The following ZMYM5 variants were observed in gnomAD, a reference collection of about 807,000 sequenced individuals.
The protein encoded by ZMYM5 is zinc finger MYM-type protein 5.
A neutral mutation model predicts 61.8 loss-of-function variants in ZMYM5; 41 were observed. The ratio of observed to expected loss-of-function variants is 0.66; its 90% CI spans 0.52 to 0.86. ZMYM5 has a LOEUF of 0.86. Among genes scored for constraint, ZMYM5 ranks in the 40% least tolerant of loss-of-function variants. The pLI is 0.00. For missense variants in ZMYM5, 706 were observed against 786.7 expected, an observed-to-expected ratio of 0.90 and a Z score of 1.23; for synonymous variants, 257 against 276.4, an observed-to-expected ratio of 0.93 and a Z score of 0.70.
chr13:19,842,382 G>C (rs1294568202), intron 4 of ZMYM5, among the ~76,000 whole-genome samples: 1 of 152,072 alleles, frequency 6.6e-6, no homozygotes, highest in Non-Finnish European at 1.5e-5. Flanking sequence ...TTATCTACAT[G>C]GGAAATACAC....
intron 7 of ZMYM5, among the ~76,000 whole-genome samples, chr13:19,830,646 G>A (rs945512378): frequency 6.6e-6 from 1 of 151,436 alleles, no homozygotes; most frequent in Non-Finnish European, 1.5e-5. Flanking sequence ...CGATTCTCCT[G>A]CCTCAGCCGC....
Position 19,851,832 on chromosome 13 carries a change from T to C in ZMYM5, c.349A>G (p.Ile117Val), listed in dbSNP as rs772887604. The change falls in exon 3 of 8, where the codon ATT (isoleucine) becomes GTT (valine). Residue 117 changes from isoleucine (I) to valine (V), a missense_variant. By Grantham distance (29) the Ile-to-Val change is conservative. Coordinates refer to ENST00000337963, the MANE Select transcript of ZMYM5 (RefSeq NM_001142684.2). ...ATGTCCTCTTCATCATCAATAACAATTGTCTCACTTATATTTCCTTTCTGA... is the reference window on the plus strand; with the variant it reads ...ATGTCCTCTTCATCATCAATAACAACTGTCTCACTTATATTTCCTTTCTGA... ...ASQKGNISET[I>V]VIDDEEDIET... The C allele has an allele frequency of 5.0e-6, 8 of 1,612,716 alleles. No homozygotes were observed. In the South Asian group the frequency reaches 7.7e-5, roughly 16 times the overall value.
chr13:19,846,913 T>C (rs1175865826), intron 4 of ZMYM5, among the ~76,000 whole-genome samples: 1 of 151,826 alleles, frequency 6.6e-6, no homozygotes, highest in African/African-American at 2.4e-5. Flanking sequence ...GGAAACAGAG[T>C]GGGATGCTGA....
At chr13:19,854,539 C>T (rs983002784) in intron 2 of ZMYM5, among the ~76,000 whole-genome samples, 2 of 149,900 alleles carry the variant, frequency 1.3e-5, no homozygotes, top group East Asian at 4.0e-4. Context: ...GCAAGAGAAT[C>T]GCTTGAACCC....
At chr13:19,862,974 C>T (rs1953827672) in intron 1 of ZMYM5, among the ~76,000 whole-genome samples, 2 of 152,302 alleles carry the variant, frequency 1.3e-5, no homozygotes, top group South Asian at 4.1e-4. Context: ...CGCGCAGCGC[C>T]TGGGAAAAGA....
chr13:19,837,063 G>T (rs989873142), intron 6 of ZMYM5, among the ~76,000 whole-genome samples: 7 of 147,032 alleles, frequency 4.8e-5, no homozygotes, highest in Admixed American at 1.4e-4. Context: ...ACAGAGTCTT[G>T]CTCTATCACC....
chr13:19,826,182 A>C (rs1195500811), intron 7 of ZMYM5, among the ~76,000 whole-genome samples: 1 of 152,062 alleles, frequency 6.6e-6, no homozygotes, highest in Non-Finnish European at 1.5e-5. Flanking sequence ...AAAAACAAAA[A>C]ACAAGAAACA....
Position 19,838,804 on chromosome 13 carries a change from T to C in ZMYM5, c.768A>G (p.Thr256=), listed in dbSNP as rs190347330. ...NCKKPLQKGQ[T]AYQRKGSAHL... is the part of the protein sequence containing the mutation. ...GAGCTGATCCTTTTCGTTGATAAGC[T>C]GTCTGTCCCTTCTGTAAAGGCTTTT... The change falls in exon 5 of 8, where the codon ACA becomes ACG. Residue 256 remains threonine, a synonymous_variant. Coordinates refer to ENST00000337963, the MANE Select transcript of ZMYM5 (RefSeq NM_001142684.2). 6.2e-7 allele frequency: 1 copy of C among 1,614,206 alleles called. No homozygotes were observed. Among genetic ancestry groups the C allele is most frequent in the East Asian group, 2.2e-5 (1 of 44,886 alleles).
chr13:19,847,596 T>C (rs55647317), intron 4 of ZMYM5, among the ~76,000 whole-genome samples: 14,890 of 151,970 alleles, frequency 0.098, 861 homozygotes, highest in African/African-American at 0.16. Flanking sequence ...ATGTTATTTA[T>C]GTTATATAAT....
chr13:19,859,538 G>A (rs1953647359), intron 2 of ZMYM5, among the ~76,000 whole-genome samples: 2 of 151,806 alleles, frequency 1.3e-5, no homozygotes, highest in Admixed American at 1.3e-4. Context: ...GAGTAGCTGG[G>A]ACTACAGGCA....
intron 2 of ZMYM5, among the ~76,000 whole-genome samples, chr13:19,861,565 AAAGG>A (rs1953762119): frequency 6.6e-6 from 1 of 152,208 alleles, no homozygotes; most frequent in South Asian, 2.1e-4. Context: ...AACTAGGGTA[AAAGG>A]AAGGCAGGAA....
At position 19,852,295 on chromosome 13, in the gene ZMYM5, A is replaced by AC. The variant is rs1472468632; in HGVS notation, c.-10-106dup. ...AATTTTTCAAATTATTTTTTGTGAT[A>AC]CCTGATATCCATTTTGTTTTTCCTC... is the stretch of plus-strand genomic sequence containing the variant. On this transcript the variant is annotated intron_variant, in intron 2 of 7. Transcript: ENST00000337963. 5 of 1,216,104 alleles carry AC rather than the reference A, an allele frequency of 4.1e-6. No individual in the cohort carries two copies. The African/African-American group carries it at 4.5e-5, about 11-fold the overall frequency. 75.3% of individuals were successfully genotyped at this position (1,216,104 alleles called of 1,614,324 possible).
chr13:19,836,564 C>T (rs1952680565), intron 6 of ZMYM5, among the ~76,000 whole-genome samples: 1 of 152,164 alleles, frequency 6.6e-6, no homozygotes, highest in Non-Finnish European at 1.5e-5. Flanking sequence ...CTGTCTCAGC[C>T]TCCTAAGCAG....
At chr13:19,828,094 T>A (rs1256384070) in intron 7 of ZMYM5, among the ~76,000 whole-genome samples, 3 of 148,502 alleles carry the variant, frequency 2.0e-5, no homozygotes, top group South Asian at 4.2e-4. Context: ...ACAACTTGAG[T>A]ACCATATGCA....
Position 19,825,061 on chromosome 13 carries a change from C to A in ZMYM5, c.1426G>T (p.Gly476Cys). The A allele has an allele frequency of 7.3e-7, 1 of 1,367,630 alleles. No individual in the cohort carries two copies. The highest frequency in any genetic ancestry group is 9.8e-7 in the Non-Finnish European group (1 of 1,021,862). 84.7% of individuals were successfully genotyped at this position (1,367,630 alleles called of 1,614,324 possible). Reference sequence around the variant, plus strand: ...TCTTGGATCAGTAATGTATCCGTGCCACATTCTACTGAAAGCTGTAGCTGT... The same window carrying A: ...TCTTGGATCAGTAATGTATCCGTGCAACATTCTACTGAAAGCTGTAGCTGT... ...TSQLQLSVECGTDTLLIQENV... is the reference protein window; with the variant it reads ...TSQLQLSVECCTDTLLIQENV... The change falls in exon 8 of 8, where the codon GGC becomes TGC. Residue 476 changes from glycine to cysteine, a missense_variant. Transcript: ENST00000337963.
At chr13:19,832,941 C>A (rs917621940) in intron 7 of ZMYM5, among the ~76,000 whole-genome samples, 5 of 131,966 alleles carry the variant, frequency 3.8e-5, no homozygotes, top group African/African-American at 1.5e-4. Context: ...ACTATGTTGC[C>A]CACGTTGGTC....
intron 2 of ZMYM5, among the ~76,000 whole-genome samples, chr13:19,861,759 G>A (rs1302687402): frequency 6.6e-6 from 1 of 151,936 alleles, no homozygotes; most frequent in East Asian, 1.9e-4. Context: ...ATTCACACAA[G>A]GATTGGTGTT....
chr13:19,838,834 A>G lies in ZMYM5; in HGVS notation c.738T>C (p.Asn246=). The G allele has an allele frequency of 1.2e-6, 2 of 1,614,138 alleles. No homozygotes were observed. The highest frequency in any genetic ancestry group is 1.7e-6 in the Non-Finnish European group (2 of 1,180,042). The stretch of plus-strand genomic sequence containing the variant: ...GTCCCTTCTGTAAAGGCTTTTTGCA[A>G]TTTGCACAAGTGATTTTAGCTGGTT... ...LTKPAKITCA[N]CKKPLQKGQT... The change falls in exon 5 of 8, where the codon AAT becomes AAC. Residue 246 remains asparagine, a synonymous_variant. Coordinates refer to ENST00000337963, the MANE Select transcript of ZMYM5 (RefSeq NM_001142684.2).
At chr13:19,853,606 T>C (rs1385465612) in intron 2 of ZMYM5, among the ~76,000 whole-genome samples, 1 of 151,812 alleles carries the variant, frequency 6.6e-6, no homozygotes, top group East Asian at 1.9e-4. Flanking sequence ...CCTCAGTTTT[T>C]TTTTTCTTTC....
Sources: gnomAD v4.1 joint callset for allele counts (sites outside exome capture counted in the v4.1 genomes callset) on GRCh38, gnomAD v4.1.1 for gene constraint, MANE v1.5 for transcripts, NCBI Gene and HGNC (gene_info 2026-07-23, HGNC 2026-07-21) for gene names.